The following ZNF99 variants were observed in gnomAD, a reference collection of about 807,000 sequenced individuals.
The protein encoded by ZNF99 is zinc finger protein 99.
A neutral mutation model predicts 12.8 loss-of-function variants in ZNF99; 8 were observed. The observed-to-expected ratio is 0.62, with a 90% CI of 0.37 to 1.13. The LOEUF (loss-of-function observed/expected upper bound fraction) is 1.13, where lower values mean the gene tolerates loss of function less well. Ranked by LOEUF, ZNF99 falls within the 50% of genes most tolerant of loss-of-function variation. The pLI, the probability that ZNF99 is intolerant of heterozygous loss-of-function variation, is 0.02. For synonymous variants in ZNF99, 318 were observed against 319.0 expected (o/e 1.00, Z 0.03); for missense variants, 1,007 against 1,006.2 (o/e 1.00, Z -0.01).
At chr19:22,779,977 A>T (rs559822828) in intron 1 of ZNF99, among the ~76,000 whole-genome samples, 2 of 152,206 alleles carry the variant, frequency 1.3e-5, no homozygotes, top group Non-Finnish European at 2.9e-5. Flanking sequence ...ATCTTCAGTA[A>T]GACCCTCCCA....
In ZNF99 at chr19:22,768,340, T is replaced by G. The variant is rs1973227388; in HGVS notation, c.191A>C (p.Asn64Thr). 1.2e-6 allele frequency: 2 copies of G among 1,613,960 alleles called. No individual in the cohort carries two copies. The highest frequency in any genetic ancestry group is 1.7e-6 in the Non-Finnish European group (2 of 1,179,942). Residue 64 changes from asparagine (N) to threonine (T), a missense_variant, in exon 3 of 4, where the codon AAT (asparagine) becomes ACT (threonine). By Grantham distance (65) the Asn-to-Thr change is moderately conservative. Transcript: ENST00000596209. The part of the protein sequence containing the change: ...TCLKQGKEPW[N>T]MKRHEMVTKP... Reference sequence around the variant, plus strand: ...AGTTACCATCTCATGTCTCTTCATATTCCAAGGCTCTTTCCCTTGCTTCAG... The same window carrying G: ...AGTTACCATCTCATGTCTCTTCATAGTCCAAGGCTCTTTCCCTTGCTTCAG...
intron 3 of ZNF99, 141 bp downstream of exon 3, chr19:22,768,164 G>A: frequency 1.1e-6 from 1 of 943,642 alleles, no homozygotes; most frequent in Non-Finnish European, 1.6e-6. Flanking sequence ...CTACATGAGA[G>A]CAAAATTTTA....
chr19:22,762,379 A>G (rs1485325586), intron 3 of ZNF99, among the ~76,000 whole-genome samples: 1 of 152,172 alleles, frequency 6.6e-6, no homozygotes, highest in Admixed American at 6.5e-5. Flanking sequence ...CACTAACTAG[A>G]AAACCTAAAA....
chr19:22,762,009 T>C (rs560638760), intron 3 of ZNF99, among the ~76,000 whole-genome samples: 1 of 152,180 alleles, frequency 6.6e-6, no homozygotes, highest in East Asian at 1.9e-4. Context: ...GGAAAGTTCA[T>C]AGTCCTAAAC....
chr19:22,754,577 G>T lies in ZNF99; in HGVS notation c.*2737C>A, dbSNP rs1228998090. 5 of 416,104 alleles carry T rather than the reference G, an allele frequency of 1.2e-5. No homozygotes were observed. The highest frequency in any genetic ancestry group is 3.0e-5 in the Admixed American group (1 of 33,048). The allele number at this position is 416,104 out of a possible 1,614,324, so 25.8% of individuals were successfully genotyped here. ...TTTGTTACATTCTTCACATTTGTCG[G>T]GTTTCTCTTCAGTATGAATTATCTT... is the stretch of plus-strand genomic sequence containing the variant. On this transcript the variant is annotated 3_prime_UTR_variant, in exon 4 of 4. Transcript: ENST00000596209.
rs1973010585 is a variant in ZNF99, at chr19:22,754,106, C to T, written c.*3208G>A. 2.2e-6 allele frequency: 1 copy of T among 454,526 alleles called. No individual in the cohort carries two copies. Among genetic ancestry groups the T allele is most frequent in the Non-Finnish European group, 4.4e-6 (1 of 226,688 alleles). 28.2% of individuals were successfully genotyped at this position (454,526 alleles called of 1,614,324 possible). A position where few individuals can be genotyped will look rare whatever the true frequency, so the allele number is the denominator to read the frequency against. On this transcript the variant is annotated 3_prime_UTR_variant, in exon 4 of 4. Coordinates refer to ENST00000596209, the MANE Select transcript of ZNF99 (RefSeq NM_001080409.3). Reference sequence around the variant, plus strand: ...GCTCAATGGCTCATGCTTGTAATCCCAGCACTTTGGGGCACTTTGGGAGGC... The same window carrying T: ...GCTCAATGGCTCATGCTTGTAATCCTAGCACTTTGGGGCACTTTGGGAGGC...
At chr19:22,773,118 T>C (rs979521402) in intron 1 of ZNF99, among the ~76,000 whole-genome samples, 1 of 152,200 alleles carries the variant, frequency 6.6e-6, no homozygotes, top group Non-Finnish European at 1.5e-5. Context: ...AGATACCAAA[T>C]TGGCAGAGAA....
intron 3 of ZNF99, among the ~76,000 whole-genome samples, chr19:22,765,883 A>G (rs1433359889): frequency 6.6e-6 from 1 of 152,140 alleles, no homozygotes; most frequent in Non-Finnish European, 1.5e-5. Flanking sequence ...AGACAGCATC[A>G]AAAAACCGTA....
intron 1 of ZNF99, among the ~76,000 whole-genome samples, chr19:22,772,636 C>T (rs1973285326): frequency 6.7e-6 from 1 of 150,006 alleles, no homozygotes; most frequent in East Asian, 2.0e-4. Flanking sequence ...GAGATGGTGC[C>T]ATTGCACTCC....
rs1435280970 is a variant in ZNF99, at chr19:22,752,766, TG to T, written c.*4547del. On this transcript the variant is annotated 3_prime_UTR_variant, in exon 4 of 4. Transcript: ENST00000596209. ...TACATATAATCTAAAAATTTATGAA[TG>T]TACTACATTACATAAAAGCACAACT... The T allele has an allele frequency of 1.4e-4, 21 of 152,202 alleles. No individual in the cohort carries two copies. Among genetic ancestry groups the T allele is most frequent in the African/African-American group, 4.8e-4 (20 of 41,498 alleles). 9.4% of individuals were successfully genotyped at this position (152,202 alleles called of 1,614,324 possible).
At chr19:22,763,206 C>T (rs765147741) in intron 3 of ZNF99, among the ~76,000 whole-genome samples, 20 of 152,066 alleles carry the variant, frequency 1.3e-4, no homozygotes, top group Non-Finnish European at 2.4e-4. Flanking sequence ...TCACTGTTTG[C>T]GGATGATATG....
chr19:22,756,188 A>G lies in ZNF99; in HGVS notation c.*1126T>C. On this transcript the variant is annotated 3_prime_UTR_variant, in exon 4 of 4. Coordinates refer to ENST00000596209, the MANE Select transcript of ZNF99 (RefSeq NM_001080409.3). ...GTTTGTAAAATGGTTGAAAGCTTTG[A>G]CACATTCTTCACATTTTTAGGGCTT... The G allele has an allele frequency of 6.6e-7, 1 of 1,518,304 alleles. No individual in the cohort carries two copies. Among genetic ancestry groups the G allele is most frequent in the Non-Finnish European group, 8.9e-7 (1 of 1,125,156 alleles). 94.1% of individuals were successfully genotyped at this position (1,518,304 alleles called of 1,614,324 possible). A position where few individuals can be genotyped will look rare whatever the true frequency, so the allele number is the denominator to read the frequency against.
At chr19:22,779,845 C>A (rs1973368471) in intron 1 of ZNF99, among the ~76,000 whole-genome samples, 1 of 152,138 alleles carries the variant, frequency 6.6e-6, no homozygotes, top group Non-Finnish European at 1.5e-5. Context: ...CCTTAAAGAT[C>A]TTATAGTTGG....
chr19:22,776,872 T>A (rs1973335610), intron 1 of ZNF99, among the ~76,000 whole-genome samples: 1 of 150,078 alleles, frequency 6.7e-6, no homozygotes, highest in African/African-American at 2.5e-5. Context: ...CAGGTAAGGT[T>A]TGGTGGCTCA....
At position 22,779,405 on chromosome 19, in the gene ZNF99, T is replaced by A. The variant is rs1277019205; in HGVS notation, c.3+4609A>T. 2.0e-5 allele frequency among the ~76,000 whole-genome samples: 3 copies of A among 152,096 alleles called. No individual in the cohort carries two copies. The East Asian group carries it at 5.8e-4, about 29-fold the overall frequency. The stretch of plus-strand genomic sequence containing the variant: ...CAGGCATGATGGCAGATGCCTGTAG[T>A]CCCAGCTCCTCAGGAGGCTAAGGCA... On this transcript the variant is annotated intron_variant, in intron 1 of 3. Coordinates refer to ENST00000596209, the MANE Select transcript of ZNF99 (RefSeq NM_001080409.3).
chr19:22,777,519 G>C (rs138558838), intron 1 of ZNF99, among the ~76,000 whole-genome samples: 8 of 152,218 alleles, frequency 5.3e-5, no homozygotes, highest in African/African-American at 1.9e-4. Flanking sequence ...ATGTACTCCT[G>C]AATCAAAAAT....
chr19:22,759,465 G>A lies in ZNF99; in HGVS notation c.444C>T (p.Asn148=), dbSNP rs149625959. The change falls in exon 4 of 4, where the codon AAC becomes AAT. Residue 148 remains asparagine (N), a synonymous_variant. Transcript: ENST00000596209. ...ATTTATGAAAGACTTTCACATATTT[G>A]TTACACTGAAATATTTTTCCCTGGG... ...TTTQGKIFQC[N]KYVKVFHKYS... is the part of the protein sequence containing the mutation. 260 of 1,603,862 alleles carry A rather than the reference G, an allele frequency of 1.6e-4. No individual in the cohort carries two copies. In the African/African-American group the frequency reaches 3.1e-3, roughly 19 times the overall value.
rs746781108 is a variant in ZNF99 at position 22,759,639 on chromosome 19, G to A, written c.270C>T (p.Ser90=). Residue 90 remains serine, a synonymous_variant, in exon 4 of 4, where the codon AGC becomes AGT. Transcript: ENST00000596209. ...TTATTTCTTGGAAAGAATCTTTTAT[G>A]CTCTGATCTGGCCAAAAGTCTTGTG... is the stretch of plus-strand genomic sequence containing the variant. The part of the protein sequence containing the change: ...HFTQDFWPDQ[S]IKDSFQEIIL... 1 of 1,580,252 alleles carries A rather than the reference G, an allele frequency of 6.3e-7. No homozygotes were observed. Among genetic ancestry groups the A allele is most frequent in the Non-Finnish European group, 8.6e-7 (1 of 1,168,890 alleles).
In ZNF99 at chr19:22,752,942, A is replaced by C. The variant is rs1972989931; in HGVS notation, c.*4372T>G. The C allele has an allele frequency of 6.6e-6, 1 of 152,082 alleles. No homozygotes were observed. The highest frequency in any genetic ancestry group is 2.4e-5 in the African/African-American group (1 of 41,448). 9.4% of individuals were successfully genotyped at this position (152,082 alleles called of 1,614,324 possible). ...AACCACAAAAAGCCTCTCCATTTAG[A>C]TTTTTATCATGCATTTTATATTTTA... On this transcript the variant is annotated 3_prime_UTR_variant, in exon 4 of 4. Coordinates refer to ENST00000596209, the MANE Select transcript of ZNF99 (RefSeq NM_001080409.3).
Sources: allele counts gnomAD v4.1 joint callset (sites outside exome capture counted in the v4.1 genomes callset), GRCh38; gene constraint gnomAD v4.1.1; transcripts MANE v1.5; gene names NCBI Gene and HGNC (gene_info 2026-07-23, HGNC 2026-07-21).